The following MASTL variants were observed in gnomAD, a reference collection of about 807,000 sequenced individuals.
The protein encoded by MASTL is serine/threonine-protein kinase greatwall.
MASTL carries 54 observed loss-of-function variants against 82.5 expected under a neutral mutation model. The ratio of observed to expected loss-of-function variants is 0.65; its 90% CI spans 0.53 to 0.82. The LOEUF (loss-of-function observed/expected upper bound fraction) is 0.82, where lower values mean the gene tolerates loss of function less well. Among genes scored for constraint, MASTL ranks in the 40% least tolerant of loss-of-function variants. The pLI is 0.00. For synonymous variants in MASTL, 323 were observed against 368.9 expected, an observed-to-expected ratio of 0.88 and a Z score of 1.43; for missense variants, 950 against 1,047.8, an observed-to-expected ratio of 0.91 and a Z score of 1.29.
intron 6 of MASTL, among the ~76,000 whole-genome samples, chr10:27,166,520 T>G (rs558090228): frequency 1.1e-4 from 16 of 152,116 alleles, no homozygotes; most frequent in African/African-American, 3.9e-4. Flanking sequence ...TACCTGTAAG[T>G]ACAGCACTTT....
In MASTL at chr10:27,165,552, G is replaced by C. The variant is rs374090627; in HGVS notation, c.811+13G>C. On this transcript the variant is annotated intron_variant, in intron 6 of 11. Transcript: ENST00000375940. ...TTACTAAAATCATGTGAGTATAAAA[G>C]AAAAGGTAGGCCAGGCGCAGAGGCT... 6.3e-5 allele frequency: 101 copies of C among 1,613,594 alleles called. No homozygotes were observed. Among genetic ancestry groups the C allele is most frequent in the Non-Finnish European group, 7.8e-5 (92 of 1,179,832 alleles).
At chr10:27,169,579 A>C (rs2057852568) in intron 7 of MASTL, among the ~76,000 whole-genome samples, 2 of 152,022 alleles carry the variant, frequency 1.3e-5, no homozygotes, top group African/African-American at 4.8e-5. Context: ...AAAAAAAAAA[A>C]AACAGAATCA....
rs764756439 is a variant in MASTL, at chr10:27,170,331, A to G, written c.1372A>G (p.Ile458Val). Reference sequence around the variant, plus strand: ...GGTTGACTCCAGTCCTTGTAAAAAAATTATACAGAATAAAAAAACTTGTGT... The same window carrying G: ...GGTTGACTCCAGTCCTTGTAAAAAAGTTATACAGAATAAAAAAACTTGTGT... ...ELVDSSPCKK[I>V]IQNKKTCVEY... Residue 458 changes from isoleucine (I) to valine (V), a missense_variant, in exon 8 of 12, where the codon ATT (isoleucine) becomes GTT (valine). By Grantham distance (29) the Ile-to-Val change is conservative. Coordinates refer to ENST00000375940, the MANE Select transcript of MASTL (RefSeq NM_001172303.3). The G allele has an allele frequency of 1.9e-6, 3 of 1,613,662 alleles. No homozygotes were observed. The highest frequency in any genetic ancestry group is 1.1e-5 in the South Asian group (1 of 91,032).
In MASTL at chr10:27,155,756, ACTT is replaced by A. The variant is rs2057343111; in HGVS notation, c.186+148_186+150del. The A allele has an allele frequency of 1.4e-5, 13 of 908,490 alleles. 1 individual carries two copies. The South Asian group carries it at 1.8e-4, about 13-fold the overall frequency. 56.3% of individuals were successfully genotyped at this position (908,490 alleles called of 1,614,324 possible). A position where few individuals can be genotyped will look rare whatever the true frequency, so the allele number is the denominator to read the frequency against. ...GAAGCCTCCAGAGCCCTGCGAGCTG[ACTT>A]CTTTTTGGGGCGACATCAGCGGTCG... On this transcript the variant is annotated intron_variant, in intron 1 of 11. Transcript: ENST00000375940.
chr10:27,185,618 C>CAAAAAAAAAAAAAAA (rs34847161), intron 11 of MASTL, among the ~76,000 whole-genome samples: 1 of 98,584 alleles, frequency 1.0e-5, no homozygotes, highest in Non-Finnish European at 2.0e-5. Flanking sequence ...AGGTGACAGA[C>CAAAAAAAAAAAAAAA]AAAAAAAAAA....
At chr10:27,178,586 T>C (rs1009948684) in intron 9 of MASTL, among the ~76,000 whole-genome samples, 3 of 152,010 alleles carry the variant, frequency 2.0e-5, no homozygotes, top group Admixed American at 2.0e-4. Flanking sequence ...TAACATATAA[T>C]TGCAAAGTTT....
At chr10:27,166,442 G>T (rs1182997943) in intron 6 of MASTL, among the ~76,000 whole-genome samples, 1 of 152,106 alleles carries the variant, frequency 6.6e-6, no homozygotes, top group Non-Finnish European at 1.5e-5. Context: ...TGTCAGGAAT[G>T]GGTTCAAATT....
At chr10:27,167,598 G>A (rs1209047068) in intron 7 of MASTL, among the ~76,000 whole-genome samples, 1 of 152,066 alleles carries the variant, frequency 6.6e-6, no homozygotes, top group African/African-American at 2.4e-5. Context: ...ACATTGGCTT[G>A]TTGGTTTTGT....
intron 5 of MASTL, 109 bp downstream of exon 5, chr10:27,165,279 T>G: frequency 7.1e-7 from 1 of 1,410,306 alleles, no homozygotes; most frequent in Non-Finnish European, 1.0e-6. Flanking sequence ...ATATCAAGCA[T>G]TTGGATTTAC....
chr10:27,186,796 C>T lies in MASTL; in HGVS notation c.*260C>T. The T allele has an allele frequency of 2.2e-6, 1 of 452,780 alleles. No homozygotes were observed. The highest frequency in any genetic ancestry group is 4.4e-5 in the East Asian group (1 of 22,710). 28.0% of individuals were successfully genotyped at this position (452,780 alleles called of 1,614,324 possible). ...TTTTGTTTATTGCACTTTATGAAAA[C>T]TGAAGCATCAATAAAATTAGAGGAC... On this transcript the variant is annotated 3_prime_UTR_variant, in exon 12 of 12. Transcript: ENST00000375940.
chr10:27,157,973 A>G (rs190594759), intron 1 of MASTL, among the ~76,000 whole-genome samples: 1 of 152,348 alleles, frequency 6.6e-6, no homozygotes, highest in East Asian at 1.9e-4. Context: ...ACAGTGGAAC[A>G]GAATTTTTTT....
rs755514002 is a variant in MASTL at position 27,159,645 on chromosome 10, T to C, written c.351T>C (p.Asp117=). The C allele has an allele frequency of 6.5e-7, 1 of 1,543,000 alleles. No homozygotes were observed. The highest frequency in any genetic ancestry group is 9.0e-7 in the Non-Finnish European group (1 of 1,115,458). Residue 117 remains aspartate (D), a synonymous_variant, in exon 3 of 12, where the codon GAT becomes GAC. Transcript: ENST00000375940. The surrounding 1 kb of genome is among the most constrained non-coding windows in gnomAD (Gnocchi z 4.0). ...TAATGGAATATCTTATTGGGGGAGA[T>C]GTCAAGTCTCTCCTACATATATATG... is the stretch of plus-strand genomic sequence containing the variant. ...YLVMEYLIGG[D]VKSLLHIYGY... is the part of the protein sequence containing the mutation.
intron 9 of MASTL, chr10:27,177,897 A>G: frequency 2.3e-6 from 1 of 440,002 alleles, no homozygotes; most frequent in Non-Finnish European, 3.0e-6. Flanking sequence ...CATTGCATAA[A>G]AAACTATTTT....
chr10:27,183,073 T>C (rs2058419340), intron 11 of MASTL, among the ~76,000 whole-genome samples: 1 of 152,212 alleles, frequency 6.6e-6, no homozygotes, highest in African/African-American at 2.4e-5. Context: ...TCCCTAATCT[T>C]GCGAGAGAGA....
intron 9 of MASTL, among the ~76,000 whole-genome samples, chr10:27,175,448 C>T (rs1286201849): frequency 3.9e-5 from 6 of 152,130 alleles, no homozygotes; most frequent in Non-Finnish European, 5.9e-5. Context: ...TTCTGAAGTG[C>T]TGGGATTACA....
chr10:27,168,786 G>A (rs569340795), intron 7 of MASTL, among the ~76,000 whole-genome samples: 24 of 151,990 alleles, frequency 1.6e-4, no homozygotes, highest in Non-Finnish European at 3.5e-4. Flanking sequence ...CTCCAGACTG[G>A]GCAACGAGCA....
intron 9 of MASTL, among the ~76,000 whole-genome samples, chr10:27,174,248 G>A (rs936559501): frequency 3.3e-5 from 5 of 151,856 alleles, no homozygotes; most frequent in African/African-American, 1.2e-4. Context: ...CCAGCTATTC[G>A]GGAGGCTGGG....
intron 6 of MASTL, 69 bp from the exon 7 acceptor site, chr10:27,167,033 A>C: frequency 8.0e-7 from 1 of 1,242,502 alleles, no homozygotes; most frequent in Non-Finnish European, 1.2e-6. Context: ...AATTATATGT[A>C]AAGATTCAGG....
intron 11 of MASTL, among the ~76,000 whole-genome samples, chr10:27,184,336 G>A (rs1308210242): frequency 6.6e-6 from 1 of 152,172 alleles, no homozygotes; most frequent in African/African-American, 2.4e-5. Context: ...TGAGGGAGCA[G>A]ACATTTGGAA....
Sources: allele counts gnomAD v4.1 joint callset (sites outside exome capture counted in the v4.1 genomes callset), GRCh38; gene constraint gnomAD v4.1.1; non-coding constraint Gnocchi (gnomAD v3.1); transcripts MANE v1.5; gene names NCBI Gene and HGNC (gene_info 2026-07-23, HGNC 2026-07-21).